WWOX: variants seen among roughly 807,000 people sequenced by gnomAD.
WWOX encodes WW domain-containing oxidoreductase.
Under a neutral mutation model 46.2 loss-of-function variants are expected in WWOX, and 69 were observed. The observed-to-expected ratio is 1.49, with a 90% CI of 1.23 to 1.82. WWOX has a LOEUF of 1.82. Among genes scored for constraint, WWOX ranks in the 40% most tolerant of loss-of-function variants. The pLI, the probability that WWOX is intolerant of heterozygous loss-of-function variation, is 0.00. For synonymous variants in WWOX, 359 were observed against 202.6 expected, an observed-to-expected ratio of 1.77 and a Z score of -6.56; for missense variants, 919 against 542.6, an observed-to-expected ratio of 1.69 and a Z score of -6.89.
At chr16:79,178,081 T>C (rs2150781005) in intron 8 of WWOX, among the ~76,000 whole-genome samples, 1 of 152,298 alleles carries the variant, frequency 6.6e-6, no homozygotes, top group African/African-American at 2.4e-5. Context: ...TGTGATCTAA[T>C]CACCTTTCAA....
At chr16:78,114,908 A>G (rs995205931) in intron 3 of WWOX, 68 bp from the exon 4 acceptor site, 1 of 1,605,116 alleles carries the variant, frequency 6.2e-7, no homozygotes, top group Admixed American at 1.7e-5. Flanking sequence ...CCTAAAGTAT[A>G]AGATTGTCTT....
At chr16:78,424,679 C>A (rs1282324872) in intron 6 of WWOX, among the ~76,000 whole-genome samples, 191 bp from the exon 7 acceptor site, 2 of 152,170 alleles carry the variant, frequency 1.3e-5, no homozygotes. Context: ...AGCCTTGTGA[C>A]ATTCTAGGGT....
intron 8 of WWOX, among the ~76,000 whole-genome samples, chr16:78,623,997 G>T (rs1005250715): frequency 1.3e-5 from 2 of 152,112 alleles, no homozygotes; most frequent in African/African-American, 4.8e-5. Context: ...TCAAAGTCCA[G>T]GTTGCACCAT....
chr16:78,460,984 A>G (rs372592577), intron 8 of WWOX, among the ~76,000 whole-genome samples: 4 of 152,300 alleles, frequency 2.6e-5, no homozygotes, highest in African/African-American at 9.6e-5. Context: ...TGCCACAGGT[A>G]GAAGCCATGC....
chr16:78,584,913 A>T (rs1294505730), intron 8 of WWOX, among the ~76,000 whole-genome samples: 2 of 152,130 alleles, frequency 1.3e-5, no homozygotes, highest in African/African-American at 4.8e-5. Context: ...CATTGACAGA[A>T]TTTTTCTCCC....
intron 8 of WWOX, among the ~76,000 whole-genome samples, chr16:78,839,303 G>A (rs1408613207): frequency 6.6e-6 from 1 of 151,992 alleles, no homozygotes; most frequent in East Asian, 1.9e-4. Context: ...ATAAAATGGA[G>A]AGGTTTTAAA....
intron 5 of WWOX, among the ~76,000 whole-genome samples, chr16:78,239,314 C>T (rs965431145): frequency 5.9e-5 from 9 of 152,114 alleles, no homozygotes; most frequent in Non-Finnish European, 1.3e-4. Flanking sequence ...TTCCCTTCCT[C>T]CTGGGAAGGG....
At chr16:78,956,194 G>T (rs2046163146) in intron 8 of WWOX, among the ~76,000 whole-genome samples, 1 of 152,094 alleles carries the variant, frequency 6.6e-6, no homozygotes, top group Non-Finnish European at 1.5e-5. Context: ...CACCCAGGCT[G>T]GAGTGCAGTG....
At chr16:79,157,904 A>G (rs571884255) in intron 8 of WWOX, among the ~76,000 whole-genome samples, 22 of 152,032 alleles carry the variant, frequency 1.4e-4, no homozygotes, top group Non-Finnish European at 2.4e-4. Context: ...GGCTGTCCCT[A>G]TTTTTCTGGT....
chr16:79,068,898 G>A (rs191186175), intron 8 of WWOX, among the ~76,000 whole-genome samples: 188 of 151,748 alleles, frequency 1.2e-3, no homozygotes, highest in African/African-American at 4.3e-3. Flanking sequence ...AATGAATGCC[G>A]AAAGTGGTTC....
chr16:78,618,582 C>T (rs2046088043), intron 8 of WWOX, among the ~76,000 whole-genome samples: 1 of 152,146 alleles, frequency 6.6e-6, no homozygotes, highest in Non-Finnish European at 1.5e-5. Flanking sequence ...CAAACACAGT[C>T]ACATTGTGAG....
intron 8 of WWOX, among the ~76,000 whole-genome samples, chr16:78,969,868 A>T (rs1241417159): frequency 6.6e-6 from 1 of 152,144 alleles, no homozygotes; most frequent in African/African-American, 2.4e-5. Context: ...GGCATTTGGG[A>T]TTAACAGCTA....
At chr16:78,810,306 A>G (rs2051152776) in intron 8 of WWOX, among the ~76,000 whole-genome samples, 1 of 152,232 alleles carries the variant, frequency 6.6e-6, no homozygotes, top group South Asian at 2.1e-4. Context: ...TAGCTATGAA[A>G]TATCATGTTC....
intron 8 of WWOX, among the ~76,000 whole-genome samples, chr16:78,961,186 A>C (rs959272412): frequency 6.6e-6 from 1 of 152,220 alleles, no homozygotes; most frequent in Non-Finnish European, 1.5e-5. Flanking sequence ...TCCTTTATGC[A>C]GGGATGGTGA....
chr16:78,302,888 G>C (rs976483660), intron 5 of WWOX, among the ~76,000 whole-genome samples: 1 of 152,184 alleles, frequency 6.6e-6, no homozygotes, highest in African/African-American at 2.4e-5. Flanking sequence ...TTACTGGGTT[G>C]CTGCAGGAAA....
chr16:78,415,387 A>G (rs1458222155), intron 6 of WWOX, among the ~76,000 whole-genome samples: 1 of 152,042 alleles, frequency 6.6e-6, no homozygotes, highest in Non-Finnish European at 1.5e-5. Context: ...CTTTACTGCA[A>G]CCTATTTTAT....
At chr16:79,109,299 A>AC (rs2049371172) in intron 8 of WWOX, among the ~76,000 whole-genome samples, 1 of 152,000 alleles carries the variant, frequency 6.6e-6, no homozygotes, top group Non-Finnish European at 1.5e-5. Context: ...TGTCTCCCAG[A>AC]CCCCCAGTTT....
intron 5 of WWOX, among the ~76,000 whole-genome samples, chr16:78,229,532 A>AT (rs5818118): frequency 0.33 from 49,010 of 147,150 alleles, 8,679 homozygotes; most frequent in Admixed American, 0.45. Context: ...ATATATATAT[A>AT]AAATAATGAA....
chr16:78,927,203 A>T (rs149474533), intron 8 of WWOX, among the ~76,000 whole-genome samples: 2 of 152,270 alleles, frequency 1.3e-5, no homozygotes, highest in African/African-American at 4.8e-5. Context: ...GGTATGTGGT[A>T]CTCGTGAGCA....
Sources: gnomAD v4.1 joint callset for allele counts (sites outside exome capture counted in the v4.1 genomes callset) on GRCh38, gnomAD v4.1.1 for gene constraint, MANE v1.5 for transcripts, NCBI Gene and HGNC (gene_info 2026-07-23, HGNC 2026-07-21) for gene names.